LPP: variants seen among roughly 807,000 people sequenced by gnomAD.
The protein encoded by LPP is LIM domain containing preferred translocation partner in lipoma.
LPP carries 38 observed loss-of-function variants against 60.4 expected under a neutral mutation model. The ratio of observed to expected loss-of-function variants is 0.63; its 90% CI spans 0.49 to 0.83. The LOEUF (loss-of-function observed/expected upper bound fraction) is 0.83. LPP is among the 40% of genes least tolerant of loss of function. The pLI is 0.00. For missense variants in LPP, 902 were observed against 783.6 expected (o/e 1.15, Z -1.80); for synonymous variants, 328 against 290.8 (o/e 1.13, Z -1.30).
chr3:188,419,653 G>A (rs1787243378), intron 4 of LPP, among the ~76,000 whole-genome samples: 1 of 152,214 alleles, frequency 6.6e-6, no homozygotes, highest in East Asian at 1.9e-4. Context: ...AGCACTTTGG[G>A]AGGCCAAGGG....
At chr3:188,435,377 T>C (rs559557177) in intron 4 of LPP, among the ~76,000 whole-genome samples, 2 of 152,284 alleles carry the variant, frequency 1.3e-5, no homozygotes, top group Admixed American at 1.3e-4. Flanking sequence ...TTAACATGAC[T>C]TTTTAATAAT....
Position 188,882,498 on chromosome 3 carries a change from A to C in LPP, c.*8019A>C. The C allele has an allele frequency of 4.4e-6, 1 of 226,688 alleles. No individual in the cohort carries two copies. Among genetic ancestry groups the C allele is most frequent in the Non-Finnish European group, 8.8e-6 (1 of 113,860 alleles). 14.0% of individuals were successfully genotyped at this position (226,688 alleles called of 1,614,324 possible). A position where few individuals can be genotyped will look rare whatever the true frequency, so the allele number is the denominator to read the frequency against. ...TGCCAAAATATAACCCAGCATGCACAGTATGGACAGGAAGCAGCCCTCCAT... is the reference window on the plus strand; with the variant it reads ...TGCCAAAATATAACCCAGCATGCACCGTATGGACAGGAAGCAGCCCTCCAT... On this transcript the variant is annotated 3_prime_UTR_variant, in exon 12 of 12. Transcript: ENST00000617246.
At chr3:188,167,792 C>T (rs1432647854) in intron 1 of LPP, among the ~76,000 whole-genome samples, 1 of 152,184 alleles carries the variant, frequency 6.6e-6, no homozygotes, top group African/African-American at 2.4e-5. Flanking sequence ...AGTTGCCAGT[C>T]AGCCTCCAGA....
At chr3:188,270,330 C>T (rs1051762659) in intron 2 of LPP, among the ~76,000 whole-genome samples, 2 of 151,016 alleles carry the variant, frequency 1.3e-5, no homozygotes, top group African/African-American at 4.9e-5. Flanking sequence ...AACAATTCTT[C>T]AGAAAGAAAG....
At chr3:188,377,902 G>T (rs1775656825) in intron 3 of LPP, among the ~76,000 whole-genome samples, 1 of 152,144 alleles carries the variant, frequency 6.6e-6, no homozygotes, top group Non-Finnish European at 1.5e-5. Context: ...TGTCCTGTCT[G>T]TTTGTTAGTT....
rs35521611 is a variant in LPP, at chr3:188,704,757, TTTGTTGTTG to T, written c.1114-3492_1114-3484del. Among the ~76,000 whole-genome samples the T allele has an allele frequency of 4.6e-5, 7 of 150,710 alleles. No homozygotes were observed. The East Asian group carries it at 5.9e-4, about 13-fold the overall frequency. On this transcript the variant is annotated intron_variant, in intron 7 of 11. Transcript: ENST00000617246. The stretch of plus-strand genomic sequence containing the variant: ...TTTTGTGTACACTGCAGATACCTGT[TTTGTTGTTG>T]TTGTTGTTGTTGTTGTTTTGTCAAA...
intron 2 of LPP, among the ~76,000 whole-genome samples, chr3:188,265,245 A>T (rs1325138121): frequency 6.6e-6 from 1 of 152,162 alleles, no homozygotes; most frequent in Non-Finnish European, 1.5e-5. Flanking sequence ...ATCGCTAAAG[A>T]TGCTTTTCCG....
chr3:188,635,577 T>C (rs1828950), intron 7 of LPP, among the ~76,000 whole-genome samples: 123,782 of 152,142 alleles, frequency 0.81, 50,572 homozygotes, highest in East Asian at 1. Flanking sequence ...AGGCTCCATT[T>C]CTCGTGTTTT....
intron 4 of LPP, among the ~76,000 whole-genome samples, chr3:188,450,810 A>T (rs2149346712): frequency 6.6e-6 from 1 of 152,166 alleles, no homozygotes; most frequent in Middle Eastern, 3.4e-3. Flanking sequence ...GTAATACTGT[A>T]GAGTCTTCCA....
At chr3:188,321,194 G>C (rs544838242) in intron 2 of LPP, among the ~76,000 whole-genome samples, 4 of 152,182 alleles carry the variant, frequency 2.6e-5, no homozygotes, top group Admixed American at 2.0e-4. Context: ...CAAATGTTTT[G>C]CTCTGTTCTC....
chr3:188,752,522 G>A (rs533641700), intron 8 of LPP, among the ~76,000 whole-genome samples: 1 of 152,232 alleles, frequency 6.6e-6, no homozygotes, highest in East Asian at 1.9e-4. Flanking sequence ...TGTTTTGTTT[G>A]TTGTGGTGGT....
chr3:188,736,241 AT>A (rs1346261465), intron 8 of LPP, among the ~76,000 whole-genome samples: 1 of 152,164 alleles, frequency 6.6e-6, no homozygotes, highest in African/African-American at 2.4e-5. Flanking sequence ...TAAAACAAAA[AT>A]TTTAAAGTGT....
chr3:188,274,868 A>G (rs1403243597), intron 2 of LPP, among the ~76,000 whole-genome samples: 2 of 152,154 alleles, frequency 1.3e-5, no homozygotes, highest in Non-Finnish European at 2.9e-5. Flanking sequence ...GTTACCACGT[A>G]TTTTCCATTA....
rs73190745 is a variant in LPP, at chr3:188,169,636, C to A, written c.-190+15384C>A. On this transcript the variant is annotated intron_variant, in intron 1 of 11. Transcript: ENST00000617246. ...ATTTTGAGACTTTAATAAACGAATG[C>A]GCATTCTGACCTCCCGGAAGGTTTG... 4.2e-3 allele frequency among the ~76,000 whole-genome samples: 644 copies of A among 152,250 alleles called. 4 individuals are homozygous for A. The highest frequency in any genetic ancestry group is 7.0e-3 in the Non-Finnish European group (473 of 68,014).
chr3:188,496,134 T>G (rs976889974), intron 5 of LPP, among the ~76,000 whole-genome samples: 3 of 152,086 alleles, frequency 2.0e-5, no homozygotes, highest in Non-Finnish European at 4.4e-5. Context: ...TGACGTCTTT[T>G]TTTTTTGAGA....
At chr3:188,746,008 C>T (rs1726057552) in intron 8 of LPP, among the ~76,000 whole-genome samples, 1 of 152,170 alleles carries the variant, frequency 6.6e-6, no homozygotes, top group Non-Finnish European at 1.5e-5. Flanking sequence ...TCCCCTTTTC[C>T]CATATCGCAT....
chr3:188,608,503 G>A (rs544139656), intron 6 of LPP, among the ~76,000 whole-genome samples: 104 of 27,498 alleles, frequency 3.8e-3, no homozygotes, highest in African/African-American at 9.1e-3. Context: ...ATATATTTCC[G>A]GGCTCTCTGT....
chr3:188,286,806 T>G (rs1341294432), intron 2 of LPP, among the ~76,000 whole-genome samples: 1 of 152,156 alleles, frequency 6.6e-6, no homozygotes, highest in Non-Finnish European at 1.5e-5. Context: ...CAAATATACA[T>G]TAGGGGTATA....
intron 2 of LPP, among the ~76,000 whole-genome samples, chr3:188,265,096 G>C (rs1735014910): frequency 6.6e-6 from 1 of 152,190 alleles, no homozygotes; most frequent in African/African-American, 2.4e-5. Context: ...ACTGGATTTG[G>C]AGAAGAGAGA....
Sources: gnomAD v4.1 joint callset for allele counts (sites outside exome capture counted in the v4.1 genomes callset) on GRCh38, gnomAD v4.1.1 for gene constraint, MANE v1.5 for transcripts, NCBI Gene and HGNC (gene_info 2026-07-23, HGNC 2026-07-21) for gene names.